The following PRDM8 variants were observed in gnomAD, a reference collection of about 807,000 sequenced individuals.
PRDM8 encodes the protein PR/SET domain 8.
PRDM8 carries 13 observed loss-of-function variants against 46.5 expected under a neutral mutation model. The observed-to-expected ratio is 0.28, with a 90% CI of 0.18 to 0.44. The LOEUF is 0.44. Ranked by LOEUF, PRDM8 falls within the 20% of genes least tolerant of loss-of-function variation. PRDM8 has a pLI of 1.00. For missense variants in PRDM8, 998 were observed against 955.0 expected (o/e 1.04, Z -0.59); for synonymous variants, 473 against 438.4 (o/e 1.08, Z -0.98).
upstream of PRDM8, chr4:80,194,281 A>G: frequency 1.1e-6 from 1 of 903,776 alleles, no homozygotes; most frequent in Non-Finnish European, 1.3e-6. Context: ...CTAATTACTT[A>G]ATTGGAAATA....
intron 1 of PRDM8, among the ~76,000 whole-genome samples, chr4:80,189,241 G>C (rs1737357680): frequency 6.6e-6 from 1 of 152,166 alleles, no homozygotes; most frequent in African/African-American, 2.4e-5. Flanking sequence ...GAGTCGCCCG[G>C]ATCAGCCTTT....
Position 80,203,768 on chromosome 4 carries a change from T to G in PRDM8, c.*236T>G. 2.4e-6 allele frequency: 1 copy of G among 420,892 alleles called. No individual in the cohort carries two copies. Among genetic ancestry groups the G allele is most frequent in the Admixed American group, 4.3e-5 (1 of 23,130 alleles). The allele number at this position is 420,892 out of a possible 1,614,324, so 26.1% of individuals were successfully genotyped here. On this transcript the variant is annotated 3_prime_UTR_variant, in exon 4 of 4. Transcript: ENST00000415738. ...CCCCCACACACACACACAGACACACTCACACACAAGAGCCAGGATGGTGGA... is the reference window on the plus strand; with the variant it reads ...CCCCCACACACACACACAGACACACGCACACACAAGAGCCAGGATGGTGGA...
Position 80,202,943 on chromosome 4 carries a change from C to G in PRDM8, c.1481C>G (p.Ser494Trp), listed in dbSNP as rs1738658290. The G allele has an allele frequency of 6.8e-7, 1 of 1,464,356 alleles. No homozygotes were observed. Among genetic ancestry groups the G allele is most frequent in the Non-Finnish European group, 9.0e-7 (1 of 1,114,994 alleles). The allele number at this position is 1,464,356 out of a possible 1,614,324, so 90.7% of individuals were successfully genotyped here. Residue 494 changes from serine (S) to tryptophan (W), a missense_variant, in exon 4 of 4, where the codon TCG (serine) becomes TGG (tryptophan). Physicochemically the swap from Ser to Trp is radical, Grantham distance 177 (BLOSUM62 -3). Transcript: ENST00000415738. Reference sequence around the variant, plus strand: ...GCGGGCGGGGGCCAGGGCGCCGCGTCGGACGAGCGCAAAAGCGCCTTCTCG... The same window carrying G: ...GCGGGCGGGGGCCAGGGCGCCGCGTGGGACGAGCGCAAAAGCGCCTTCTCG... The part of the protein sequence containing the change: ...GGAGGGQGAA[S>W]DERKSAFSQP...
intron 1 of PRDM8, among the ~76,000 whole-genome samples, chr4:80,190,776 T>C (rs1210943432): frequency 2.6e-5 from 4 of 152,202 alleles, no homozygotes; most frequent in African/African-American, 9.6e-5. Context: ...AACTCAGCTG[T>C]GTGGGGCCTT....
In PRDM8 at chr4:80,200,370, T is replaced by A. The variant is rs11099079; in HGVS notation, c.219+71T>A. ...GTTGGAAATGGACTAAAAATAATTA[T>A]AATGACAAGTGGAGATAGGTTTTGC... On this transcript the variant is annotated intron_variant, in intron 2 of 3. Transcript: ENST00000415738. The A allele has an allele frequency of 0.28, 382,362 of 1,348,180 alleles. 58,870 individuals are homozygous for A. Among genetic ancestry groups the A allele is most frequent in the East Asian group, 0.62 (26,585 of 43,006 alleles). 83.5% of individuals were successfully genotyped at this position (1,348,180 alleles called of 1,614,324 possible). A position where few individuals can be genotyped will look rare whatever the true frequency, so the allele number is the denominator to read the frequency against.
rs1738501163 is a variant in PRDM8, at chr4:80,201,971, A to G, written c.509A>G (p.Tyr170Cys). The change falls in exon 4 of 4, where the codon TAT (tyrosine) becomes TGT (cysteine). Residue 170 changes from tyrosine (Y) to cysteine (C), a missense_variant. Physicochemically the swap from Tyr to Cys is radical, Grantham distance 194. Coordinates refer to ENST00000415738, the MANE Select transcript of PRDM8 (RefSeq NM_001099403.2). ...CAACGTTTCCAGTTTGAGTTCCCCT[A>G]TGTGGCGCATCTGCGTTTCCGCTGC... Reference protein sequence around the residue: ...CSQRFQFEFPYVAHLRFRCPK... With the variant: ...CSQRFQFEFPCVAHLRFRCPK... 6.2e-7 allele frequency: 1 copy of G among 1,614,004 alleles called. No individual in the cohort carries two copies. The highest frequency in any genetic ancestry group is 8.5e-7 in the Non-Finnish European group (1 of 1,179,994).
chr4:80,196,904 A>G, upstream of PRDM8: 2 of 985,252 alleles, frequency 2.0e-6, no homozygotes, highest in Non-Finnish European at 2.4e-6. Flanking sequence ...CTCATCTCCC[A>G]AGCCACGGGA....
chr4:80,188,576 C>G (rs1370950115), intron 1 of PRDM8, among the ~76,000 whole-genome samples: 1 of 152,096 alleles, frequency 6.6e-6, no homozygotes, highest in Non-Finnish European at 1.5e-5. Flanking sequence ...GATTACAGAC[C>G]CCGGGTTCAG....
upstream of PRDM8, chr4:80,196,613 T>C: frequency 1.0e-6 from 1 of 985,366 alleles, no homozygotes; most frequent in Non-Finnish European, 1.2e-6. Context: ...TAATCATTTT[T>C]ATTTTTAATC....
chr4:80,188,352 G>GTTAAATATGATGTTATTGATA (rs1737280335), intron 1 of PRDM8, among the ~76,000 whole-genome samples: 1 of 152,114 alleles, frequency 6.6e-6, no homozygotes, highest in African/African-American at 2.4e-5. Context: ...TGTTATTGAT[G>GTTAAATATGATGTTATTGATA]TTAAATATTA....
rs1560474123 is a variant in PRDM8, at chr4:80,200,196, C to T, written c.116C>T (p.Ala39Val). The change falls in exon 2 of 4, where the codon GCT (alanine) becomes GTT (valine). Residue 39 changes from alanine (A) to valine (V), a missense_variant. Physicochemically the swap from Ala to Val is moderately conservative, Grantham distance 64. Transcript: ENST00000415738. ...ACCACCTGCGACATCCCTGAGAATGCTATATTTGGTCCCTGTGTCCTGAGC... is the reference window on the plus strand; with the variant it reads ...ACCACCTGCGACATCCCTGAGAATGTTATATTTGGTCCCTGTGTCCTGAGC... ...VYTTCDIPEN[A>V]IFGPCVLSHT... The T allele has an allele frequency of 4.3e-6, 7 of 1,614,062 alleles. No individual in the cohort carries two copies. The East Asian group carries it at 1.1e-4, about 26-fold the overall frequency.
intron 2 of PRDM8, among the ~76,000 whole-genome samples, chr4:80,200,622 C>G (rs1225279217): frequency 6.6e-6 from 1 of 152,242 alleles, no homozygotes; most frequent in Non-Finnish European, 1.5e-5. Context: ...TATTTGCATA[C>G]TAACTAGTTT....
In PRDM8 at chr4:80,203,637, G is replaced by C. The variant is rs1054901524; in HGVS notation, c.*105G>C. ...CCGCTTCCTTGCACCCCGAAACCCT[G>C]CACAAAGACACATACATTCACCGCC... On this transcript the variant is annotated 3_prime_UTR_variant, in exon 4 of 4. Transcript: ENST00000415738. 9.6e-6 allele frequency: 14 copies of C among 1,454,866 alleles called. No individual in the cohort carries two copies. The East Asian group carries it at 1.0e-4, about 10-fold the overall frequency. 90.1% of individuals were successfully genotyped at this position (1,454,866 alleles called of 1,614,324 possible).
At chr4:80,189,260 G>A (rs1214521941) in intron 1 of PRDM8, among the ~76,000 whole-genome samples, 25 of 152,156 alleles carry the variant, frequency 1.6e-4, no homozygotes, top group Non-Finnish European at 7.3e-5. Flanking sequence ...TTAACAGACT[G>A]ACTTATCCGC....
upstream of PRDM8, chr4:80,194,270 T>C (rs1737781093): frequency 1.1e-6 from 1 of 933,562 alleles, no homozygotes; most frequent in Non-Finnish European, 1.3e-6. Context: ...TTGTCATTCT[T>C]CTAATTACTT....
chr4:80,186,519 T>C (rs1737102789), intron 1 of PRDM8, among the ~76,000 whole-genome samples: 1 of 150,716 alleles, frequency 6.6e-6, no homozygotes, highest in East Asian at 2.0e-4. Context: ...AATGTGGAGT[T>C]GCTCCCTGCC....
rs371051740 is a variant in PRDM8, at chr4:80,201,273, T to A, written c.220-17T>A. The A allele has an allele frequency of 9.9e-6, 16 of 1,611,700 alleles. No individual in the cohort carries two copies. The African/African-American group carries it at 1.7e-4, about 17-fold the overall frequency. On this transcript the variant is annotated splice_polypyrimidine_tract_variant and intron_variant, in intron 2 of 3. Coordinates refer to ENST00000415738, the MANE Select transcript of PRDM8 (RefSeq NM_001099403.2). ...CCCCTCTCCTTCTTGTCTTCTTTCA[T>A]TTATTTCAAACCGCAGGTAGACACC...
At chr4:80,200,968 A>G (rs1738396299) in intron 2 of PRDM8, among the ~76,000 whole-genome samples, 1 of 152,270 alleles carries the variant, frequency 6.6e-6, no homozygotes, top group Non-Finnish European at 1.5e-5. Context: ...ATGTGGAATA[A>G]CTTAGAAGTA....
chr4:80,201,250 C>T (rs768295110), intron 2 of PRDM8, 40 bp from the exon 3 acceptor site: 1 of 1,569,568 alleles, frequency 6.4e-7, no homozygotes, highest in South Asian at 1.1e-5. Context: ...TCCCTCTCCC[C>T]CTCTCCTTCT....
Sources: allele counts gnomAD v4.1 joint callset (sites outside exome capture counted in the v4.1 genomes callset), GRCh38; gene constraint gnomAD v4.1.1; transcripts MANE v1.5; gene names NCBI Gene and HGNC (gene_info 2026-07-23, HGNC 2026-07-21).